Variants in OLAH observed in about 807,000 individuals in gnomAD.
OLAH encodes the protein oleoyl-ACP hydrolase, also known as S-acyl fatty acid synthase thioesterase, medium chain.
Under a neutral mutation model 27.8 loss-of-function variants are expected in OLAH, and 33 were observed. The observed-to-expected ratio is 1.19, with a 90% CI of 0.90 to 1.59. OLAH has a LOEUF of 1.59. Ranked by LOEUF, OLAH falls within the 40% of genes most tolerant of loss-of-function variation. The probability of loss-of-function intolerance (pLI) is 0.00; values close to 1 mark genes in which losing one functional copy is unlikely to be tolerated. For missense variants in OLAH, 359 were observed against 310.8 expected (o/e 1.16, Z -1.17); for synonymous variants, 120 against 102.9 (o/e 1.17, Z -1.01).
intron 1 of OLAH, among the ~76,000 whole-genome samples, chr10:15,037,092 C>CAACA (rs557825361): frequency 7.7e-4 from 116 of 150,746 alleles, no homozygotes; most frequent in African/African-American, 2.5e-3. Context: ...ATAAATAAAT[C>CAACA]AACAAACAAA....
At chr10:15,047,968 T>C (rs1410997731) in intron 2 of OLAH, among the ~76,000 whole-genome samples, 1 of 152,072 alleles carries the variant, frequency 6.6e-6, no homozygotes, top group East Asian at 1.9e-4. Flanking sequence ...TTTGTAGAGA[T>C]CAACTGAAAA....
chr10:15,065,838 A>T, intron 6 of OLAH, 85 bp downstream of exon 6: 3 of 1,243,778 alleles, frequency 2.4e-6, no homozygotes, highest in Non-Finnish European at 3.4e-6. Context: ...GAGGTTGCTT[A>T]TGTGGGAAGA....
Position 15,056,931 on chromosome 10 carries a change from C to T in OLAH, c.164-4793C>T, listed in dbSNP as rs539937296. The T allele has an allele frequency of 7.9e-6, 12 of 1,509,624 alleles. No homozygotes were observed. The South Asian group carries it at 1.1e-4, about 14-fold the overall frequency. 93.5% of individuals were successfully genotyped at this position (1,509,624 alleles called of 1,614,324 possible). Reference sequence around the variant, plus strand: ...TGGCGTGAGCCACCGTAGGCGTGAGCCACCGTGCCTGGCCAAAATTCTTGG... The same window carrying T: ...TGGCGTGAGCCACCGTAGGCGTGAGTCACCGTGCCTGGCCAAAATTCTTGG... On this transcript the variant is annotated intron_variant, in intron 3 of 7. Transcript: ENST00000378228.
Position 15,071,647 on chromosome 10 carries a change from A to G in OLAH, c.573-148A>G, listed in dbSNP as rs995584306. The G allele has an allele frequency of 3.5e-6, 5 of 1,413,356 alleles. No individual in the cohort carries two copies. In the African/African-American group the frequency reaches 7.3e-5, roughly 21 times the overall value. The allele number at this position is 1,413,356 out of a possible 1,614,324, so 87.6% of individuals were successfully genotyped here. The stretch of plus-strand genomic sequence containing the variant: ...TCTCAGGCAGGCTTTGACAGGTAGA[A>G]GTGCCATTGGTGAAAAATGTTTTAC... On this transcript the variant is annotated intron_variant, in intron 6 of 7. Transcript: ENST00000378228.
At chr10:15,068,475 C>G (rs1313870375) in intron 6 of OLAH, among the ~76,000 whole-genome samples, 4 of 152,164 alleles carry the variant, frequency 2.6e-5, no homozygotes, top group Non-Finnish European at 4.4e-5. Flanking sequence ...TCACTGCAAC[C>G]TCCGTCTCCT....
intron 1 of OLAH, among the ~76,000 whole-genome samples, chr10:15,035,459 C>T (rs1022119748): frequency 3.9e-5 from 6 of 152,060 alleles, no homozygotes; most frequent in East Asian, 1.9e-4. Context: ...GGAAAAGGCA[C>T]GGGTCACACA....
intron 1 of OLAH, among the ~76,000 whole-genome samples, chr10:15,032,628 A>AG (rs1843776621): frequency 6.8e-6 from 1 of 147,308 alleles, no homozygotes. Context: ...TTCAAAAAAA[A>AG]AAAAAAAAAA....
At chr10:15,056,974 T>C (rs1378122795) in intron 3 of OLAH, 1 of 1,424,376 alleles carries the variant, frequency 7.0e-7, no homozygotes. Flanking sequence ...TGGATTCTAA[T>C]TTTTTTTAGT....
intron 5 of OLAH, 75 bp from the exon 6 acceptor site, chr10:15,065,509 G>C: frequency 6.8e-7 from 1 of 1,467,474 alleles, no homozygotes; most frequent in Non-Finnish European, 9.1e-7. Context: ...TTTTCCCTTA[G>C]ATCAACAGTT....
At chr10:15,061,930 T>C in intron 4 of OLAH, 68 bp downstream of exon 4, 1 of 1,485,622 alleles carries the variant, frequency 6.7e-7, no homozygotes, top group Non-Finnish European at 9.2e-7. Context: ...GTTAATGTTA[T>C]TCTTTGTGTT....
intron 1 of OLAH, among the ~76,000 whole-genome samples, chr10:15,038,339 C>T (rs781408470): frequency 6.6e-6 from 1 of 152,068 alleles, no homozygotes; most frequent in Non-Finnish European, 1.5e-5. Context: ...CTTTGGGGGA[C>T]TGTTAGGAAG....
chr10:15,042,849 CT>C (rs67828197), upstream of OLAH, among the ~76,000 whole-genome samples: 2,428 of 60,430 alleles, frequency 0.04, 23 homozygotes, highest in African/African-American at 0.099. Flanking sequence ...ACCCACGTGT[CT>C]TTTTTTTTTT....
chr10:15,047,301 G>T lies in OLAH; in HGVS notation c.13G>T (p.Asp5Tyr), dbSNP rs547360775. 11 of 1,613,500 alleles carry T rather than the reference G, an allele frequency of 6.8e-6. No homozygotes were observed. Among genetic ancestry groups the T allele is most frequent in the Admixed American group, 6.7e-5 (4 of 59,958 alleles). ...CTCACCTCACAGCATGGAGAGAGGA[G>T]ACCAACCTAAGAGAACCAGGCAGGC... MERG[D>Y]QPKRTRNENI... The change falls in exon 2 of 8, where the codon GAC (aspartate) becomes TAC (tyrosine). Residue 5 changes from aspartate to tyrosine, a missense_variant. Asp to Tyr is a radical substitution (Grantham distance 160). Transcript: ENST00000378228.
chr10:15,035,975 C>T (rs1843835460), intron 1 of OLAH, among the ~76,000 whole-genome samples: 2 of 152,072 alleles, frequency 1.3e-5, no homozygotes, highest in South Asian at 2.1e-4. Context: ...TGTGGTTTAC[C>T]CATGGCCTCC....
At chr10:15,045,022 T>C (rs949300652) in intron 1 of OLAH, among the ~76,000 whole-genome samples, 1 of 152,180 alleles carries the variant, frequency 6.6e-6, no homozygotes, top group Admixed American at 6.6e-5. Context: ...CTCTCCCTCT[T>C]CTCTCGTCTG....
At chr10:15,045,485 T>C (rs1843997835) in intron 1 of OLAH, among the ~76,000 whole-genome samples, 1 of 152,198 alleles carries the variant, frequency 6.6e-6, no homozygotes, top group Non-Finnish European at 1.5e-5. Context: ...GAAATCCTCA[T>C]GAGTCATTCA....
At chr10:15,043,472 TTC>T (rs1589237351), upstream of OLAH, among the ~76,000 whole-genome samples, 1 of 144,088 alleles carries the variant, frequency 6.9e-6, no homozygotes, top group East Asian at 2.1e-4. Flanking sequence ...GTGGATTCTC[TTC>T]TTCTTTTTTT....
At chr10:15,037,550 C>T (rs550760161) in intron 1 of OLAH, among the ~76,000 whole-genome samples, 38 of 149,078 alleles carry the variant, frequency 2.5e-4, no homozygotes, top group African/African-American at 8.4e-4. Flanking sequence ...CACTGCACGC[C>T]AGGCTGGGTG....
At chr10:15,065,199 G>T (rs1179905572) in intron 5 of OLAH, among the ~76,000 whole-genome samples, 1 of 152,152 alleles carries the variant, frequency 6.6e-6, no homozygotes, top group Non-Finnish European at 1.5e-5. Flanking sequence ...TCAGAACCAG[G>T]AAAGACTCCT....
Sources: gnomAD v4.1 joint callset for allele counts (sites outside exome capture counted in the v4.1 genomes callset) on GRCh38, gnomAD v4.1.1 for gene constraint, MANE v1.5 for transcripts, NCBI Gene and HGNC (gene_info 2026-07-23, HGNC 2026-07-21) for gene names.